Variants in SCPPPQ1 observed in about 807,000 individuals in gnomAD.
SCPPPQ1 encodes the protein secretory calcium-binding phosphoprotein proline- and glutamine-rich 1.
the SCPPPQ1 span, among the ~76,000 whole-genome samples, chr4:87,467,755 CA>C: frequency 0.11 from 16,247 of 152,136 alleles, 913 homozygotes; most frequent in Non-Finnish European, 0.13. Context: ...TCATAACCAC[CA>C]TCCAACAAAT....
the SCPPPQ1 span, among the ~76,000 whole-genome samples, chr4:87,465,137 C>G: frequency 6.6e-6 from 1 of 152,162 alleles, no homozygotes; most frequent in Non-Finnish European, 1.5e-5. Flanking sequence ...CATCTGTTGT[C>G]ACTGTTTTAT....
At chr4:87,465,459 C>G in the SCPPPQ1 span, among the ~76,000 whole-genome samples, 1 of 146,684 alleles carries the variant, frequency 6.8e-6, no homozygotes, top group African/African-American at 2.6e-5. Context: ...AAAGAATTTT[C>G]AAGTTTTTGT....
At chr4:87,462,924 G>A in the SCPPPQ1 span, among the ~76,000 whole-genome samples, 4 of 151,262 alleles carry the variant, frequency 2.6e-5, no homozygotes, top group Non-Finnish European at 5.9e-5. Flanking sequence ...CTTGAGCCTG[G>A]GGGGGCAGAG....
the SCPPPQ1 span, among the ~76,000 whole-genome samples, chr4:87,469,947 CTTTTTTTT>C: frequency 0.42 from 48,169 of 115,582 alleles, 8,889 homozygotes; most frequent in East Asian, 0.55. Flanking sequence ...ACACACAAAT[CTTTTTTTT>C]TTTTTTTTTT....
At chr4:87,467,457 A>G in the SCPPPQ1 span, among the ~76,000 whole-genome samples, 1 of 152,222 alleles carries the variant, frequency 6.6e-6, no homozygotes, top group Non-Finnish European at 1.5e-5. Context: ...AAATCTTCTT[A>G]GAGAAAGAAA....
the SCPPPQ1 span, among the ~76,000 whole-genome samples, chr4:87,463,363 A>T: frequency 6.6e-6 from 1 of 152,046 alleles, no homozygotes; most frequent in Non-Finnish European, 1.5e-5. Flanking sequence ...TGTTATCTTT[A>T]GTCTATTAAG....
the SCPPPQ1 span, among the ~76,000 whole-genome samples, chr4:87,465,364 TCAAA>T: frequency 2.0e-5 from 3 of 151,998 alleles, no homozygotes; most frequent in Admixed American, 2.0e-4. Flanking sequence ...ATTACTCAAA[TCAAA>T]CAAAATATCA....
the SCPPPQ1 span, among the ~76,000 whole-genome samples, chr4:87,462,451 T>G: frequency 6.6e-6 from 1 of 151,612 alleles, no homozygotes; most frequent in African/African-American, 2.4e-5. Flanking sequence ...AAAAGGGATA[T>G]ATACCTTTTT....
At chr4:87,467,861 A>G in the SCPPPQ1 span, among the ~76,000 whole-genome samples, 1 of 152,186 alleles carries the variant, frequency 6.6e-6, no homozygotes. Context: ...AAATGGTGGT[A>G]CTTGTGGTGG....
At chr4:87,465,787 G>GAA in the SCPPPQ1 span, among the ~76,000 whole-genome samples, 13 of 152,170 alleles carry the variant, frequency 8.5e-5, no homozygotes, top group East Asian at 2.3e-3. Flanking sequence ...AATCTAGTGG[G>GAA]TTCAATATAA....
At chr4:87,466,145 T>C in the SCPPPQ1 span, among the ~76,000 whole-genome samples, 1 of 152,174 alleles carries the variant, frequency 6.6e-6, no homozygotes, top group Non-Finnish European at 1.5e-5. Flanking sequence ...CCTAGCACTT[T>C]GGGAGGCCGA....
chr4:87,469,677 G>T, the SCPPPQ1 span, among the ~76,000 whole-genome samples: 1 of 152,132 alleles, frequency 6.6e-6, no homozygotes, highest in Non-Finnish European at 1.5e-5. Context: ...AATTGAAGGG[G>T]TAGGAGATCA....
chr4:87,467,375 G>T, the SCPPPQ1 span, among the ~76,000 whole-genome samples: 2 of 152,326 alleles, frequency 1.3e-5, no homozygotes, highest in African/African-American at 4.8e-5. Context: ...AGCCTGGAGA[G>T]AGTCCAAACA....
chr4:87,468,050 T>C, the SCPPPQ1 span, among the ~76,000 whole-genome samples: 1 of 152,204 alleles, frequency 6.6e-6, no homozygotes, highest in Admixed American at 6.5e-5. Flanking sequence ...AAGCAGCATA[T>C]GGAAATACAT....
the SCPPPQ1 span, among the ~76,000 whole-genome samples, chr4:87,470,882 A>G: frequency 6.6e-6 from 1 of 152,144 alleles, no homozygotes; most frequent in East Asian, 1.9e-4. Context: ...TCTGGATTCA[A>G]ACACTAATTT....
At chr4:87,461,511 C>G in the SCPPPQ1 span, among the ~76,000 whole-genome samples, 1 of 152,094 alleles carries the variant, frequency 6.6e-6, no homozygotes, top group Non-Finnish European at 1.5e-5. Context: ...AATTTTGGCC[C>G]AAAGATAGTT....
chr4:87,465,189 C>G, the SCPPPQ1 span, among the ~76,000 whole-genome samples: 1 of 152,032 alleles, frequency 6.6e-6, no homozygotes, highest in Non-Finnish European at 1.5e-5. Flanking sequence ...AAAGATAATT[C>G]CAAAGTATTA....
the SCPPPQ1 span, among the ~76,000 whole-genome samples, chr4:87,470,363 C>T: frequency 5.3e-5 from 8 of 152,120 alleles, no homozygotes; most frequent in Non-Finnish European, 1.2e-4. Flanking sequence ...ATGTAATACA[C>T]AAATAAATCC....
chr4:87,467,442 A>G, the SCPPPQ1 span, among the ~76,000 whole-genome samples: 5 of 83,894 alleles, frequency 6.0e-5, no homozygotes, highest in African/African-American at 8.5e-5. Context: ...AAAGCTGGGG[A>G]AAAAAAATCT....
Sources: gnomAD v4.1 joint callset for allele counts (sites outside exome capture counted in the v4.1 genomes callset) on GRCh38, gnomAD v4.1.1 for gene constraint, MANE v1.5 for transcripts, NCBI Gene and HGNC (gene_info 2026-07-23, HGNC 2026-07-21) for gene names.